LMCD1: variants seen among roughly 807,000 people sequenced by gnomAD.
The protein encoded by LMCD1 is LIM and cysteine rich domains 1.
In LMCD1, 32 loss-of-function variants were observed where a neutral mutation model predicts 42.7. The ratio of observed to expected loss-of-function variants is 0.75; its 90% CI spans 0.57 to 1.01. The LOEUF (loss-of-function observed/expected upper bound fraction) is 1.01, where lower values mean the gene tolerates loss of function less well. Among genes scored for constraint, LMCD1 ranks in the 50% least tolerant of loss-of-function variants. The pLI, the probability that LMCD1 is intolerant of heterozygous loss-of-function variation, is 0.00. For synonymous variants in LMCD1, 178 were observed against 184.9 expected, an observed-to-expected ratio of 0.96 and a Z score of 0.30; for missense variants, 458 against 483.1, an observed-to-expected ratio of 0.95 and a Z score of 0.49.
rs1695159094 is a variant in LMCD1 at position 8,568,074 on chromosome 3, C to T, written c.*476C>T. ...TGGAATTTGAATTTTAAATAAACAA[C>T]TTTTTTTGGCATGATAAACAGATCA... On this transcript the variant is annotated 3_prime_UTR_variant, in exon 6 of 6. Coordinates refer to ENST00000157600, the MANE Select transcript of LMCD1 (RefSeq NM_014583.4). The T allele has an allele frequency of 6.6e-6, 1 of 152,372 alleles. No individual in the cohort carries two copies. 9.4% of individuals were successfully genotyped at this position (152,372 alleles called of 1,614,324 possible).
chr3:8,515,049 A>G (rs1226729324), intron 1 of LMCD1: 1 of 456,754 alleles, frequency 2.2e-6, no homozygotes, highest in East Asian at 6.9e-5. Flanking sequence ...TATTTGATAA[A>G]CAGTTGGAAA....
chr3:8,510,934 C>CCA (rs1275675186), intron 1 of LMCD1, among the ~76,000 whole-genome samples: 2 of 152,108 alleles, frequency 1.3e-5, no homozygotes, highest in East Asian at 1.9e-4. Context: ...GCATTACACG[C>CCA]CACACACACA....
At chr3:8,561,671 T>A (rs1315510733) in intron 4 of LMCD1, among the ~76,000 whole-genome samples, 1 of 152,200 alleles carries the variant, frequency 6.6e-6, no homozygotes, top group Non-Finnish European at 1.5e-5. Context: ...ACTGAGCAAA[T>A]CACTGAATCT....
intron 1 of LMCD1, among the ~76,000 whole-genome samples, chr3:8,526,679 A>G (rs1226334596): frequency 1.3e-5 from 2 of 152,206 alleles, no homozygotes; most frequent in Admixed American, 6.5e-5. Context: ...AGTGCTCACA[A>G]GTTCGCTGCT....
intron 2 of LMCD1, among the ~76,000 whole-genome samples, chr3:8,534,719 C>G (rs1694478994): frequency 6.6e-6 from 1 of 152,132 alleles, no homozygotes. Context: ...CCCAGATTAC[C>G]AATGACAGAT....
chr3:8,559,762 T>C (rs1476274771), intron 4 of LMCD1, among the ~76,000 whole-genome samples: 5 of 152,212 alleles, frequency 3.3e-5, no homozygotes, highest in African/African-American at 1.2e-4. Flanking sequence ...TTGAGATGAC[T>C]GAGTTAAGGA....
At chr3:8,545,160 A>C (rs532708053) in intron 3 of LMCD1, among the ~76,000 whole-genome samples, 102 of 152,334 alleles carry the variant, frequency 6.7e-4, no homozygotes, top group Middle Eastern at 3.4e-3. Flanking sequence ...ACCATGAAAT[A>C]CCTTATGTCC....
chr3:8,509,303 CT>C (rs1255735452), intron 1 of LMCD1, among the ~76,000 whole-genome samples: 3 of 152,164 alleles, frequency 2.0e-5, no homozygotes, highest in African/African-American at 7.2e-5. Flanking sequence ...TGTAGTTAAA[CT>C]TGGACCTAGC....
chr3:8,526,075 G>T (rs1224349237), intron 1 of LMCD1, among the ~76,000 whole-genome samples: 1 of 152,170 alleles, frequency 6.6e-6, no homozygotes, highest in East Asian at 1.9e-4. Flanking sequence ...GTGTGCATTT[G>T]AGCTAGATCC....
intron 3 of LMCD1, among the ~76,000 whole-genome samples, chr3:8,541,463 C>T (rs1040225478): frequency 1.3e-5 from 2 of 152,248 alleles, no homozygotes; most frequent in Non-Finnish European, 2.9e-5. Context: ...GCTGGATAAT[C>T]GCTTGAACCC....
chr3:8,526,133 T>C (rs973730781), intron 1 of LMCD1, among the ~76,000 whole-genome samples: 16 of 152,112 alleles, frequency 1.1e-4, no homozygotes, highest in African/African-American at 3.9e-4. Context: ...TAAGGAGCAC[T>C]CCCCTCCTCA....
In LMCD1 at chr3:8,516,591, TA is replaced by T. The variant is rs112341331; in HGVS notation, c.42+14621del. Among the ~76,000 whole-genome samples the T allele has an allele frequency of 4.2e-3, 621 of 149,400 alleles. 3 individuals carry two copies. The highest frequency in any genetic ancestry group is 6.3e-3 in the African/African-American group (256 of 40,852). ...TGAAAACTTAGAGTTGGCACTCCTT[TA>T]AAAAAAAAATGCTTAATATCAGCAC... On this transcript the variant is annotated intron_variant, in intron 1 of 5. Coordinates refer to ENST00000157600, the MANE Select transcript of LMCD1 (RefSeq NM_014583.4).
chr3:8,544,082 A>G (rs1317277396), intron 3 of LMCD1, among the ~76,000 whole-genome samples: 1 of 152,138 alleles, frequency 6.6e-6, no homozygotes, highest in Non-Finnish European at 1.5e-5. Flanking sequence ...CTTTGACAGG[A>G]ATCCACCGTC....
intron 1 of LMCD1, among the ~76,000 whole-genome samples, chr3:8,508,275 C>A (rs560715735): frequency 6.6e-6 from 1 of 152,174 alleles, no homozygotes; most frequent in Non-Finnish European, 1.5e-5. Flanking sequence ...GTCAGCCTGA[C>A]CCATGGCCTA....
intron 1 of LMCD1, among the ~76,000 whole-genome samples, chr3:8,511,177 T>C (rs543455888): frequency 1.3e-5 from 2 of 152,368 alleles, no homozygotes; most frequent in African/African-American, 4.8e-5. Context: ...GGCACAGTAC[T>C]TGACATATAA....
At chr3:8,554,550 G>A (rs1160813861) in intron 4 of LMCD1, among the ~76,000 whole-genome samples, 2 of 152,170 alleles carry the variant, frequency 1.3e-5, no homozygotes, top group African/African-American at 4.8e-5. Context: ...GTGGGTTCTT[G>A]TGGGCCTTTT....
At chr3:8,517,037 C>G (rs1048062768) in intron 1 of LMCD1, among the ~76,000 whole-genome samples, 12 of 152,166 alleles carry the variant, frequency 7.9e-5, no homozygotes, top group Admixed American at 7.9e-4. Flanking sequence ...AAACTAAGAT[C>G]CAGAGGGATT....
chr3:8,536,340 A>T (rs1203394794), intron 2 of LMCD1, among the ~76,000 whole-genome samples: 1 of 152,216 alleles, frequency 6.6e-6, no homozygotes, highest in Non-Finnish European at 1.5e-5. Flanking sequence ...TTGATTTCTA[A>T]ACCTTAACAG....
At chr3:8,506,584 G>C (rs1693886778) in intron 1 of LMCD1, among the ~76,000 whole-genome samples, 1 of 152,152 alleles carries the variant, frequency 6.6e-6, no homozygotes, top group African/African-American at 2.4e-5. Flanking sequence ...TATTCAATTT[G>C]ACTTTAGGAA....
Sources: gnomAD v4.1 joint callset for allele counts (sites outside exome capture counted in the v4.1 genomes callset) on GRCh38, gnomAD v4.1.1 for gene constraint, MANE v1.5 for transcripts, NCBI Gene and HGNC (gene_info 2026-07-23, HGNC 2026-07-21) for gene names.